Variants in CIZ1 observed in about 807,000 individuals in gnomAD.
The protein encoded by CIZ1 is cip1-interacting zinc finger protein.
A neutral mutation model predicts 118.6 loss-of-function variants in CIZ1; 58 were observed. The ratio of observed to expected loss-of-function variants is 0.49; its 90% CI spans 0.40 to 0.61. The LOEUF (loss-of-function observed/expected upper bound fraction) is 0.61. Ranked by LOEUF, CIZ1 falls within the 20% of genes least tolerant of loss-of-function variation. The probability of loss-of-function intolerance (pLI) is 0.00; values close to 1 mark genes in which losing one functional copy is unlikely to be tolerated. For missense variants in CIZ1, 921 were observed against 1,115.9 expected (o/e 0.83, Z 2.49); for synonymous variants, 448 against 443.4 (o/e 1.01, Z -0.13).
intron 3 of CIZ1, among the ~76,000 whole-genome samples, chr9:128,189,800 G>C (rs971289345): frequency 2.3e-4 from 29 of 128,782 alleles, no homozygotes; most frequent in African/African-American, 8.5e-4. Flanking sequence ...ACTCCAGCCT[G>C]GGCGACAGAG....
chr9:128,176,921 C>T (rs1047113785), intron 10 of CIZ1, among the ~76,000 whole-genome samples: 3 of 151,958 alleles, frequency 2.0e-5, no homozygotes, highest in African/African-American at 7.2e-5. Context: ...TTTTTTGTTT[C>T]GTTTTGAGAG....
chr9:128,184,187 T>C, intron 5 of CIZ1, among the ~76,000 whole-genome samples: 1 of 152,350 alleles, frequency 6.6e-6, no homozygotes, highest in African/African-American at 2.4e-5. Flanking sequence ...TTCAAAGCCA[T>C]GCTCTCCCAC....
chr9:128,191,487 C>A lies in CIZ1; in HGVS notation c.-61G>T. The A allele has an allele frequency of 1.0e-6, 1 of 994,162 alleles. No homozygotes were observed. Among genetic ancestry groups the A allele is most frequent in the Non-Finnish European group, 1.2e-6 (1 of 834,658 alleles). The allele number at this position is 994,162 out of a possible 1,614,324, so 61.6% of individuals were successfully genotyped here. A position where few individuals can be genotyped will look rare whatever the true frequency, so the allele number is the denominator to read the frequency against. On this transcript the variant is annotated 5_prime_UTR_variant, in exon 1 of 17. Coordinates refer to ENST00000372938, the MANE Select transcript of CIZ1 (RefSeq NM_001131016.2). The surrounding 1 kb of genome is among the most constrained non-coding windows in gnomAD (Gnocchi z 5.5). ...GTCGCCCCCACGGATGGGCCGGCCC[C>A]GCAGCCCCCACGCCTCGGCCGGGCG...
upstream of CIZ1, chr9:128,192,066 G>T: frequency 1.8e-6 from 1 of 571,318 alleles, no homozygotes; most frequent in Non-Finnish European, 2.7e-6. Flanking sequence ...GGCTAAGGAA[G>T]GAGTAGGTGA....
chr9:128,194,800 A>G (rs1833337015), upstream of CIZ1, among the ~76,000 whole-genome samples: 1 of 152,156 alleles, frequency 6.6e-6, no homozygotes, highest in African/African-American at 2.4e-5. Context: ...CCTGGGCAAC[A>G]AGAGCAAAAC....
At chr9:128,192,842 C>T (rs1002057784), upstream of CIZ1, among the ~76,000 whole-genome samples, 2 of 152,226 alleles carry the variant, frequency 1.3e-5, no homozygotes, top group African/African-American at 4.8e-5. Flanking sequence ...CTCTCCTGGA[C>T]TAAGTAGCAA....
upstream of CIZ1, among the ~76,000 whole-genome samples, chr9:128,193,579 T>C (rs1362586743): frequency 6.6e-6 from 1 of 152,104 alleles, no homozygotes; most frequent in Non-Finnish European, 1.5e-5. Flanking sequence ...CCGGATGTGG[T>C]GGCGGGCGCC....
intron 14 of CIZ1, chr9:128,167,462 C>G: frequency 2.6e-6 from 1 of 387,854 alleles, no homozygotes; most frequent in Non-Finnish European, 4.6e-6. Context: ...TGTCATTTGA[C>G]TGAATCCTCA....
chr9:128,168,911 G>T, intron 14 of CIZ1, 141 bp downstream of exon 14: 1 of 1,149,454 alleles, frequency 8.7e-7, no homozygotes, highest in Non-Finnish European at 1.2e-6. Context: ...CATGCAGAAG[G>T]CAGTTGACAG....
Position 128,177,651 on chromosome 9 carries a change from G to T in CIZ1, c.1733C>A (p.Ser578Tyr). The change falls in exon 10 of 17, where the codon TCC (serine) becomes TAC (tyrosine). Residue 578 changes from serine to tyrosine, a missense_variant. Transcript: ENST00000372938. ...GGGAGTGCTGGTAGCCGCAGGGGTG[G>T]AGGAGACGGAGTCACTGGGGCGGGG... ...PVPRPSDSVS[S>Y]TPAATSTPSK... 1.3e-6 allele frequency: 2 copies of T among 1,591,560 alleles called. No homozygotes were observed. The highest frequency in any genetic ancestry group is 1.7e-6 in the Non-Finnish European group (2 of 1,169,386).
upstream of CIZ1, among the ~76,000 whole-genome samples, chr9:128,196,194 C>T (rs1484566411): frequency 6.6e-6 from 1 of 152,018 alleles, no homozygotes; most frequent in African/African-American, 2.4e-5. Flanking sequence ...TGGTGTTGCA[C>T]TAAATATGTT....
intron 7 of CIZ1, 23 bp from the exon 8 acceptor site, chr9:128,179,438 C>A: frequency 6.5e-7 from 1 of 1,544,030 alleles, no homozygotes; most frequent in South Asian, 1.3e-5. Context: ...AAAAAAAAAT[C>A]CCAGTCATGT....
intron 5 of CIZ1, among the ~76,000 whole-genome samples, 192 bp downstream of exon 5, chr9:128,185,355 G>A (rs1832228106): frequency 6.6e-6 from 1 of 152,186 alleles, no homozygotes; most frequent in Non-Finnish European, 1.5e-5. Context: ...TCCCTTCGTT[G>A]ATAAAAGAAT....
chr9:128,192,937 G>C (rs1317258505), upstream of CIZ1, among the ~76,000 whole-genome samples: 1 of 152,204 alleles, frequency 6.6e-6, no homozygotes, highest in Admixed American at 6.5e-5. Flanking sequence ...GCCGACGTTG[G>C]GCGGGCAGGG....
intron 1 of CIZ1, among the ~76,000 whole-genome samples, chr9:128,200,991 G>A (rs973678848): frequency 1.6e-4 from 24 of 151,766 alleles, no homozygotes; most frequent in African/African-American, 5.1e-4. Flanking sequence ...AAAATTGGCC[G>A]GGCGCAGTGG....
Position 128,169,390 on chromosome 9 carries a change from A to G in CIZ1, c.2145+16T>C, listed in dbSNP as rs1259066161. On this transcript the variant is annotated intron_variant, in intron 13 of 16. Coordinates refer to ENST00000372938, the MANE Select transcript of CIZ1 (RefSeq NM_001131016.2). ...TACCTCTCTGGGCCCATGTCCTCTG[A>G]GGGAGCTCAGGTTACCTCCTTGGCT... 1 of 1,603,240 alleles carries G rather than the reference A, an allele frequency of 6.2e-7. No individual in the cohort carries two copies. Among genetic ancestry groups the G allele is most frequent in the South Asian group, 1.1e-5 (1 of 90,850 alleles).
At chr9:128,192,366 C>A (rs1347276336), upstream of CIZ1, among the ~76,000 whole-genome samples, 33 of 139,484 alleles carry the variant, frequency 2.4e-4, no homozygotes, top group African/African-American at 3.2e-4. Context: ...CAAGAGCTGT[C>A]AAAAAAAAAA....
intron 14 of CIZ1, 98 bp from the exon 15 acceptor site, chr9:128,167,262 C>G (rs1588105643): frequency 1.2e-6 from 1 of 866,116 alleles, no homozygotes; most frequent in East Asian, 2.7e-5. Flanking sequence ...CTTGGACACA[C>G]AGAATCCCCT....
chr9:128,194,068 A>G (rs910971165), upstream of CIZ1, among the ~76,000 whole-genome samples: 1 of 152,182 alleles, frequency 6.6e-6, no homozygotes, highest in Admixed American at 6.5e-5. Flanking sequence ...CAAATTTTAT[A>G]TCAAGAATCT....
Sources: gnomAD v4.1 joint callset for allele counts (sites outside exome capture counted in the v4.1 genomes callset) on GRCh38, gnomAD v4.1.1 for gene constraint, Gnocchi (gnomAD v3.1) non-coding constraint, MANE v1.5 for transcripts, NCBI Gene and HGNC (gene_info 2026-07-23, HGNC 2026-07-21) for gene names.